The following DDX46 variants were observed in gnomAD, a reference collection of about 807,000 sequenced individuals.
DDX46 encodes probable ATP-dependent RNA helicase DDX46.
Under a neutral mutation model 134.9 loss-of-function variants are expected in DDX46, and 30 were observed. That is an observed-to-expected ratio of 0.22 (90% CI 0.17 to 0.30). DDX46 has a LOEUF of 0.30. DDX46 is among the 10% of genes least tolerant of loss of function. The pLI, the probability that DDX46 is intolerant of heterozygous loss-of-function variation, is 1.00. For missense variants in DDX46, 622 were observed against 1,248.7 expected, an observed-to-expected ratio of 0.50 and a Z score of 7.56; for synonymous variants, 415 against 404.1, an observed-to-expected ratio of 1.03 and a Z score of -0.32.
At chr5:134,822,747 T>C (rs1340816020) in intron 21 of DDX46, among the ~76,000 whole-genome samples, 1 of 152,106 alleles carries the variant, frequency 6.6e-6, no homozygotes, top group African/African-American at 2.4e-5. Flanking sequence ...AGCTAAATTT[T>C]TGTATTTTTT....
chr5:134,782,334 C>T (rs13361030), intron 8 of DDX46, among the ~76,000 whole-genome samples: 2,434 of 151,952 alleles, frequency 0.016, 79 homozygotes, highest in African/African-American at 0.056. Flanking sequence ...AGTGAAACCC[C>T]GTCTCTACTA....
intron 21 of DDX46, among the ~76,000 whole-genome samples, chr5:134,819,784 C>T (rs150080202): frequency 2.4e-4 from 37 of 152,214 alleles, no homozygotes; most frequent in African/African-American, 8.9e-4. Context: ...CCCGCCCCCA[C>T]TCAGCCTCCC....
rs552854397 is a variant in DDX46 at position 134,769,861 on chromosome 5, C to T, written c.351-1042C>T. On this transcript the variant is annotated intron_variant, in intron 3 of 22. Coordinates refer to ENST00000452510, the MANE Select transcript of DDX46 (RefSeq NM_001300860.2). The stretch of plus-strand genomic sequence containing the variant: ...CGCGCCCGGCCGAGTTGGGGTTTCA[C>T]CATATTGGCCAGGATGGTCTCGATC... Among the ~76,000 whole-genome samples, 11 of 152,090 alleles carry T rather than the reference C, an allele frequency of 7.2e-5. No homozygotes were observed. In the South Asian group the frequency reaches 2.3e-3, roughly 32 times the overall value.
chr5:134,768,609 A>G (rs1199385620), intron 3 of DDX46, among the ~76,000 whole-genome samples: 1 of 149,926 alleles, frequency 6.7e-6, no homozygotes, highest in Admixed American at 6.6e-5. Flanking sequence ...AAGGATTTCT[A>G]AACTACTTTA....
At chr5:134,795,204 G>GTTTTTTGTTTTTT (rs1754615921) in intron 14 of DDX46, among the ~76,000 whole-genome samples, 190 bp downstream of exon 14, 1 of 125,754 alleles carries the variant, frequency 8.0e-6, no homozygotes, top group African/African-American at 3.0e-5. Flanking sequence ...TAAAATGCTT[G>GTTTTTTGTTTTTT]TTTTTTTTTT....
rs1208854518 is a variant in DDX46 at position 134,831,040 on chromosome 5, T to C, written c.*2334T>C. The C allele has an allele frequency of 6.6e-6, 1 of 152,508 alleles. No homozygotes were observed. Among genetic ancestry groups the C allele is most frequent in the Non-Finnish European group, 1.5e-5 (1 of 68,050 alleles). 9.4% of individuals were successfully genotyped at this position (152,508 alleles called of 1,614,324 possible). On this transcript the variant is annotated 3_prime_UTR_variant, in exon 23 of 23. Coordinates refer to ENST00000452510, the MANE Select transcript of DDX46 (RefSeq NM_001300860.2). Reference sequence around the variant, plus strand: ...TGACTTTTAAAATTTGAATGATATATAGACTTTGTTTTTTTAATGCAATAT... The same window carrying C: ...TGACTTTTAAAATTTGAATGATATACAGACTTTGTTTTTTTAATGCAATAT...
At chr5:134,800,732 A>G (rs909292355) in intron 15 of DDX46, among the ~76,000 whole-genome samples, 2 of 152,044 alleles carry the variant, frequency 1.3e-5, no homozygotes, top group African/African-American at 2.4e-5. Flanking sequence ...CTGTAGTGCA[A>G]TGATGCCATC....
At chr5:134,793,203 G>A (rs140077862) in intron 13 of DDX46, among the ~76,000 whole-genome samples, 315 of 152,184 alleles carry the variant, frequency 2.1e-3, no homozygotes, top group African/African-American at 6.6e-3. Flanking sequence ...TATTTTGTGA[G>A]CTTCATAGAT....
At chr5:134,803,237 A>AC (rs1380966777) in intron 15 of DDX46, among the ~76,000 whole-genome samples, 1 of 151,830 alleles carries the variant, frequency 6.6e-6, no homozygotes, top group East Asian at 1.9e-4. Flanking sequence ...CAGGTGATCC[A>AC]CCCACCTTGG....
intron 15 of DDX46, among the ~76,000 whole-genome samples, chr5:134,800,461 T>G (rs909711982): frequency 6.6e-6 from 1 of 152,162 alleles, no homozygotes; most frequent in African/African-American, 2.4e-5. Context: ...TATGCCACAG[T>G]TTAGTCATTT....
chr5:134,823,946 A>G (rs1755523290), intron 21 of DDX46, among the ~76,000 whole-genome samples: 2 of 152,234 alleles, frequency 1.3e-5, no homozygotes, highest in African/African-American at 4.8e-5. Flanking sequence ...TGCTTGCCTT[A>G]TAAAGAGGTA....
chr5:134,825,512 A>C (rs1047261658), intron 21 of DDX46, among the ~76,000 whole-genome samples: 3 of 152,040 alleles, frequency 2.0e-5, no homozygotes, highest in East Asian at 1.9e-4. Context: ...TATGGGGGGA[A>C]ATTTTCTCGT....
chr5:134,796,926 C>T (rs1385693126), intron 15 of DDX46, among the ~76,000 whole-genome samples: 20 of 150,184 alleles, frequency 1.3e-4, no homozygotes, highest in African/African-American at 4.4e-4. Context: ...CTGAGGCGGG[C>T]GGATCACCTG....
intron 6 of DDX46, chr5:134,780,647 A>T (rs1754123172): frequency 6.6e-6 from 1 of 151,000 alleles, no homozygotes; most frequent in South Asian, 2.1e-4. Context: ...GTAAATTATG[A>T]ATGGATGTAT....
intron 18 of DDX46, among the ~76,000 whole-genome samples, 156 bp downstream of exon 18, chr5:134,812,001 G>A (rs1755159030): frequency 6.7e-6 from 1 of 149,720 alleles, no homozygotes; most frequent in South Asian, 2.1e-4. Flanking sequence ...CTACATACCA[G>A]TACCCCTCCT....
chr5:134,764,114 A>G lies in DDX46; in HGVS notation c.206+22A>G, dbSNP rs17167662. The G allele has an allele frequency of 1.2e-3, 1,899 of 1,581,168 alleles. 18 individuals are homozygous for G. In the African/African-American group the frequency reaches 0.021, roughly 17 times the overall value. ...TGAGGTAAGACATTAATTAATTTCC[A>G]AAAGACGAGTGATAAATTGGGCCTT... is the stretch of plus-strand genomic sequence containing the variant. On this transcript the variant is annotated intron_variant, in intron 2 of 22. Transcript: ENST00000452510.
rs770283644 is a variant in DDX46, at chr5:134,811,284, C to T, written c.2212C>T (p.Leu738Phe). Residue 738 changes from leucine (L) to phenylalanine (F), a missense_variant, in exon 17 of 23, where the codon CTT becomes TTT. By Grantham distance (22) the Leu-to-Phe change is conservative. Transcript: ENST00000452510. The part of the protein sequence containing the change: ...ARYAGDIIKA[L>F]ELSGTAVPPD... The stretch of plus-strand genomic sequence containing the variant: ...CTATGCTGGTGACATAATTAAAGCT[C>T]TTGAATTGTCAGGGACTGCAGTACC... 34 of 1,614,022 alleles carry T rather than the reference C, an allele frequency of 2.1e-5. No individual in the cohort carries two copies. Among genetic ancestry groups the T allele is most frequent in the Non-Finnish European group, 2.7e-5 (32 of 1,179,982 alleles).
At chr5:134,790,973 C>T (rs1261137701) in intron 13 of DDX46, among the ~76,000 whole-genome samples, 5 of 143,184 alleles carry the variant, frequency 3.5e-5, no homozygotes, top group South Asian at 2.3e-4. Flanking sequence ...TACAGGTGCC[C>T]GCCACCACGC....
chr5:134,776,809 A>G (rs1753952702), intron 5 of DDX46, among the ~76,000 whole-genome samples: 2 of 151,404 alleles, frequency 1.3e-5, no homozygotes, highest in African/African-American at 4.9e-5. Flanking sequence ...GCTACTCAGG[A>G]GGCTGAGGCA....
Sources: gnomAD v4.1 joint callset for allele counts (sites outside exome capture counted in the v4.1 genomes callset) on GRCh38, gnomAD v4.1.1 for gene constraint, MANE v1.5 for transcripts, NCBI Gene and HGNC (gene_info 2026-07-23, HGNC 2026-07-21) for gene names.